The following ST6GALNAC3 variants were observed in gnomAD, a reference collection of about 807,000 sequenced individuals.
ST6GALNAC3 encodes alpha-N-acetylgalactosaminide alpha-2,6-sialyltransferase 3.
A neutral mutation model predicts 32.7 loss-of-function variants in ST6GALNAC3; 25 were observed. The observed-to-expected ratio is 0.76, with a 90% CI of 0.56 to 1.07. ST6GALNAC3 has a LOEUF of 1.07. Among genes scored for constraint, ST6GALNAC3 ranks in the 50% least tolerant of loss-of-function variants. The pLI is 0.00. For synonymous variants in ST6GALNAC3, 129 were observed against 133.1 expected (o/e 0.97, Z 0.21); for missense variants, 355 against 382.4 (o/e 0.93, Z 0.60).
chr1:76,267,187 G>T, intron 1 of ST6GALNAC3, among the ~76,000 whole-genome samples: 1 of 152,216 alleles, frequency 6.6e-6, no homozygotes, highest in East Asian at 1.9e-4. Flanking sequence ...CTTTTGATCC[G>T]CAATTATGAA....
intron 3 of ST6GALNAC3, among the ~76,000 whole-genome samples, chr1:76,592,478 A>C (rs910719840): frequency 2.0e-5 from 3 of 152,168 alleles, no homozygotes; most frequent in Non-Finnish European, 2.9e-5. Context: ...GATAAGGTGC[A>C]TGGGTGTATG....
At chr1:76,164,436 T>C (rs1652000098) in intron 1 of ST6GALNAC3, among the ~76,000 whole-genome samples, 1 of 152,084 alleles carries the variant, frequency 6.6e-6, no homozygotes, top group South Asian at 2.1e-4. Context: ...TTAGGGAAAA[T>C]CATGGCAGCT....
At chr1:76,402,240 G>A (rs1653482425) in intron 2 of ST6GALNAC3, among the ~76,000 whole-genome samples, 1 of 152,072 alleles carries the variant, frequency 6.6e-6, no homozygotes, top group African/African-American at 2.4e-5. Context: ...TGCAATCACA[G>A]ACCTTTAACT....
At chr1:76,131,651 GT>G (rs1391591982) in intron 1 of ST6GALNAC3, among the ~76,000 whole-genome samples, 3 of 152,200 alleles carry the variant, frequency 2.0e-5, no homozygotes, top group Non-Finnish European at 4.4e-5. Flanking sequence ...CAGTCTCCCT[GT>G]GTTGGTGACC....
intron 3 of ST6GALNAC3, among the ~76,000 whole-genome samples, chr1:76,585,472 C>A (rs539815230): frequency 6.6e-6 from 1 of 151,944 alleles, no homozygotes; most frequent in Non-Finnish European, 1.5e-5. Context: ...AGAGGAAGAA[C>A]AACACCTTGC....
chr1:76,402,059 A>C (rs1487569953), intron 2 of ST6GALNAC3, among the ~76,000 whole-genome samples: 1 of 151,486 alleles, frequency 6.6e-6, no homozygotes, highest in Non-Finnish European at 1.5e-5. Context: ...CAGCTAAGTT[A>C]TTTTCCATAG....
chr1:76,436,804 A>G (rs1656177361), intron 3 of ST6GALNAC3, among the ~76,000 whole-genome samples: 1 of 152,160 alleles, frequency 6.6e-6, no homozygotes, highest in Non-Finnish European at 1.5e-5. Flanking sequence ...CATTAAGTAG[A>G]GTCCAAACTT....
At chr1:76,175,191 T>A (rs1020509790) in intron 1 of ST6GALNAC3, among the ~76,000 whole-genome samples, 4 of 149,320 alleles carry the variant, frequency 2.7e-5, no homozygotes, top group East Asian at 1.9e-4. Flanking sequence ...TTTTTGTAAA[T>A]AAAAAAAAAA....
intron 1 of ST6GALNAC3, among the ~76,000 whole-genome samples, chr1:76,205,253 CT>C: frequency 6.6e-6 from 1 of 150,820 alleles, no homozygotes; most frequent in East Asian, 1.9e-4. Flanking sequence ...GAGTGAAATG[CT>C]TCCAAATGCC....
intron 2 of ST6GALNAC3, 51 bp downstream of exon 2, chr1:76,314,050 C>A: frequency 6.4e-7 from 1 of 1,553,344 alleles, no homozygotes; most frequent in Non-Finnish European, 8.7e-7. Context: ...ATGGTAACAG[C>A]TTTTCTTTAG....
rs12069342 is a variant in ST6GALNAC3, at chr1:76,089,624, A to C, written c.18+14740A>C. ...AGTTGTACAGGTTGTTAAATTTTCC[A>C]TTTGATGAAGGGAATCAAGTTTGAG... is the stretch of plus-strand genomic sequence containing the variant. On this transcript the variant is annotated intron_variant, in intron 1 of 4. Transcript: ENST00000328299. Among the ~76,000 whole-genome samples, 216 of 152,332 alleles carry C rather than the reference A, an allele frequency of 1.4e-3. 2 individuals are homozygous for C. The highest frequency in any genetic ancestry group is 4.9e-3 in the African/African-American group (205 of 41,582).
At chr1:76,135,382 C>T (rs1016656965) in intron 1 of ST6GALNAC3, among the ~76,000 whole-genome samples, 1 of 151,972 alleles carries the variant, frequency 6.6e-6, no homozygotes, top group African/African-American at 2.4e-5. Context: ...AAAAATGAAC[C>T]AAATATTGAA....
intron 1 of ST6GALNAC3, among the ~76,000 whole-genome samples, chr1:76,208,089 C>T (rs1397942591): frequency 1.4e-5 from 2 of 142,624 alleles, no homozygotes; most frequent in African/African-American, 5.2e-5. Flanking sequence ...CTAGTCCTTT[C>T]ATGCCTCAGG....
intron 2 of ST6GALNAC3, among the ~76,000 whole-genome samples, chr1:76,385,988 C>A (rs2101131078): frequency 6.6e-6 from 1 of 152,198 alleles, no homozygotes; most frequent in Non-Finnish European, 1.5e-5. Context: ...TGCCAAGACG[C>A]TGGGGCATTG....
rs369359731 is a variant in ST6GALNAC3, at chr1:76,188,230, C to T, written c.18+113346C>T. 2.8e-3 allele frequency among the ~76,000 whole-genome samples: 432 copies of T among 152,100 alleles called. 5 individuals are homozygous for T. Among genetic ancestry groups the T allele is most frequent in the Middle Eastern group, 0.01 (3 of 294 alleles). On this transcript the variant is annotated intron_variant, in intron 1 of 4. Transcript: ENST00000328299. ...TACAAAAATTAGCTGGTTGTGGTGG[C>T]GGGTGCCTGTAATCCCAGTTACTCA...
chr1:76,238,935 G>A (rs1250703764), intron 1 of ST6GALNAC3, among the ~76,000 whole-genome samples: 2 of 141,458 alleles, frequency 1.4e-5, no homozygotes, highest in Non-Finnish European at 3.0e-5. Context: ...CACTAAGCCT[G>A]TTTCCCACTA....
chr1:76,207,574 T>C (rs1654891132), intron 1 of ST6GALNAC3, among the ~76,000 whole-genome samples: 1 of 152,114 alleles, frequency 6.6e-6, no homozygotes, highest in Non-Finnish European at 1.5e-5. Context: ...GGCAAACATG[T>C]GAGATAGAAA....
At chr1:76,455,264 T>C (rs540647972) in intron 3 of ST6GALNAC3, among the ~76,000 whole-genome samples, 1 of 152,312 alleles carries the variant, frequency 6.6e-6, no homozygotes, top group South Asian at 2.1e-4. Flanking sequence ...TTCCTTGTTT[T>C]CTGTTTCTTT....
Position 76,485,992 on chromosome 1 carries a change from A to G in ST6GALNAC3, c.623+73575A>G, listed in dbSNP as rs549753884. On this transcript the variant is annotated intron_variant, in intron 3 of 4. Transcript: ENST00000328299. ...TCATTTTGTTATGCACCCAGTAGTCATTCAGGAGCAGGTTGTTCAGTTTCC... is the reference window on the plus strand; with the variant it reads ...TCATTTTGTTATGCACCCAGTAGTCGTTCAGGAGCAGGTTGTTCAGTTTCC... Among the ~76,000 whole-genome samples the G allele has an allele frequency of 1.1e-3, 170 of 152,330 alleles. 1 individual carries two copies. The highest frequency in any genetic ancestry group is 4.0e-3 in the African/African-American group (166 of 41,574).
Sources: gnomAD v4.1 joint callset for allele counts (sites outside exome capture counted in the v4.1 genomes callset) on GRCh38, gnomAD v4.1.1 for gene constraint, MANE v1.5 for transcripts, NCBI Gene and HGNC (gene_info 2026-07-23, HGNC 2026-07-21) for gene names.